XKR6: variants seen among roughly 807,000 people sequenced by gnomAD.
The protein encoded by XKR6 is XK-related protein 6.
In XKR6, 22 loss-of-function variants were observed where a neutral mutation model predicts 56.7. That is an observed-to-expected ratio of 0.39 (90% CI 0.28 to 0.55). The LOEUF is 0.55. Ranked by LOEUF, XKR6 falls within the 20% of genes least tolerant of loss-of-function variation. The probability of loss-of-function intolerance (pLI) is 0.66; values close to 1 mark genes in which losing one functional copy is unlikely to be tolerated. For synonymous variants in XKR6, 524 were observed against 387.8 expected (o/e 1.35, Z -4.13); for missense variants, 852 against 889.0 (o/e 0.96, Z 0.53).
chr8:10,995,903 T>C (rs1286518123), intron 1 of XKR6, among the ~76,000 whole-genome samples: 3 of 152,164 alleles, frequency 2.0e-5, no homozygotes, highest in Admixed American at 2.0e-4. Context: ...GCACCTGTAG[T>C]TGAATCAGAC....
intron 1 of XKR6, among the ~76,000 whole-genome samples, chr8:11,098,179 C>A (rs141013350): frequency 1.8e-3 from 281 of 152,200 alleles, no homozygotes; most frequent in African/African-American, 6.5e-3. Flanking sequence ...GAATTGGAAT[C>A]TGCAATTGAA....
At chr8:11,125,549 T>C (rs1196069331) in intron 1 of XKR6, among the ~76,000 whole-genome samples, 1 of 152,148 alleles carries the variant, frequency 6.6e-6, no homozygotes, top group Non-Finnish European at 1.5e-5. Flanking sequence ...ATGTGAGTCC[T>C]GTCACCACCC....
chr8:10,899,386 T>C (rs536588513), intron 2 of XKR6, among the ~76,000 whole-genome samples: 1 of 152,372 alleles, frequency 6.6e-6, no homozygotes, highest in South Asian at 2.1e-4. Context: ...AATTCCACAC[T>C]GTTCTCCTCT....
chr8:10,947,609 C>T (rs1256948939), intron 1 of XKR6, among the ~76,000 whole-genome samples: 3 of 152,212 alleles, frequency 2.0e-5, no homozygotes, highest in Non-Finnish European at 2.9e-5. Context: ...AGGAGAAAGA[C>T]AGCACAGTGT....
intron 1 of XKR6, among the ~76,000 whole-genome samples, chr8:11,096,830 C>G (rs549465473): frequency 6.6e-6 from 1 of 152,194 alleles, no homozygotes; most frequent in Non-Finnish European, 1.5e-5. Context: ...CAACAAATAC[C>G]ATATGAAGAA....
intron 1 of XKR6, among the ~76,000 whole-genome samples, chr8:11,116,118 C>T (rs1475552161): frequency 6.6e-6 from 1 of 152,182 alleles, no homozygotes; most frequent in Non-Finnish European, 1.5e-5. Flanking sequence ...TTAGATTTTG[C>T]TGCATTCAAA....
At chr8:11,023,700 ACT>A (rs1212223225) in intron 1 of XKR6, among the ~76,000 whole-genome samples, 2 of 152,124 alleles carry the variant, frequency 1.3e-5, no homozygotes, top group Middle Eastern at 3.2e-3. Context: ...GGGACTGCTA[ACT>A]CTGCCTTCAG....
chr8:11,039,593 G>C (rs1191737212), intron 1 of XKR6, among the ~76,000 whole-genome samples: 1 of 152,206 alleles, frequency 6.6e-6, no homozygotes, highest in Non-Finnish European at 1.5e-5. Flanking sequence ...TGGCCCCAAC[G>C]TCCAGGGTGG....
intron 1 of XKR6, among the ~76,000 whole-genome samples, chr8:10,968,420 G>A (rs1802297308): frequency 6.6e-6 from 1 of 152,228 alleles, no homozygotes; most frequent in Non-Finnish European, 1.5e-5. Context: ...TTTCCCTCCA[G>A]GTGCTCTCCC....
chr8:10,954,811 T>A (rs764883483), intron 1 of XKR6, among the ~76,000 whole-genome samples: 2 of 107,454 alleles, frequency 1.9e-5, no homozygotes, highest in Non-Finnish European at 3.7e-5. Context: ...AGGTCTATGA[T>A]GATTTTGACT....
chr8:11,085,023 C>G (rs968809382), intron 1 of XKR6, among the ~76,000 whole-genome samples: 1 of 152,172 alleles, frequency 6.6e-6, no homozygotes, highest in South Asian at 2.1e-4. Context: ...CAGTTTCCCA[C>G]CCCCCAGCTC....
chr8:10,921,377 A>G (rs992276862), intron 2 of XKR6, among the ~76,000 whole-genome samples: 4 of 152,160 alleles, frequency 2.6e-5, no homozygotes, highest in Non-Finnish European at 5.9e-5. Context: ...ACCCATCCCC[A>G]GCAGGTCTGG....
At chr8:11,194,844 G>T in intron 1 of XKR6, 1 of 406,396 alleles carries the variant, frequency 2.5e-6, no homozygotes, top group South Asian at 3.5e-5. Flanking sequence ...AGGAGCACCA[G>T]CCTTCTTACA....
intron 1 of XKR6, among the ~76,000 whole-genome samples, chr8:11,061,462 G>A (rs1310002601): frequency 4.4e-5 from 4 of 90,102 alleles, no homozygotes; most frequent in African/African-American, 8.3e-5. Flanking sequence ...GTGAGACCCT[G>A]TCTCAAAAAA....
intron 1 of XKR6, among the ~76,000 whole-genome samples, chr8:11,045,428 T>C (rs1799388583): frequency 6.6e-6 from 1 of 152,136 alleles, no homozygotes; most frequent in Admixed American, 6.5e-5. Flanking sequence ...CAATCTGATT[T>C]TGATTGTCCC....
intron 2 of XKR6, among the ~76,000 whole-genome samples, chr8:10,903,750 A>C (rs1800106821): frequency 6.6e-6 from 1 of 152,178 alleles, no homozygotes; most frequent in African/African-American, 2.4e-5. Context: ...GGGAGGCCTC[A>C]GGAGAGACTT....
chr8:10,993,042 G>A (rs778749539), intron 1 of XKR6, among the ~76,000 whole-genome samples: 2 of 152,210 alleles, frequency 1.3e-5, no homozygotes, highest in Non-Finnish European at 2.9e-5. Context: ...GTGGGAGGTG[G>A]GAAAGAGAGG....
At chr8:11,038,551 T>TC (rs1799205246) in intron 1 of XKR6, among the ~76,000 whole-genome samples, 2 of 93,016 alleles carry the variant, frequency 2.2e-5, no homozygotes, top group Non-Finnish European at 2.4e-5. Flanking sequence ...GTGTGTGTGT[T>TC]TGAGGCAGGG....
intron 1 of XKR6, among the ~76,000 whole-genome samples, chr8:11,165,951 T>C (rs1187908054): frequency 6.8e-6 from 1 of 147,878 alleles, no homozygotes; most frequent in Non-Finnish European, 1.5e-5. Flanking sequence ...ATATATATAG[T>C]TTTTTGGGTT....
Sources: gnomAD v4.1 joint callset for allele counts (sites outside exome capture counted in the v4.1 genomes callset) on GRCh38, gnomAD v4.1.1 for gene constraint, MANE v1.5 for transcripts, NCBI Gene and HGNC (gene_info 2026-07-23, HGNC 2026-07-21) for gene names.